TAP2: variants seen among roughly 807,000 people sequenced by gnomAD.
TAP2 encodes antigen peptide transporter 2.
Under a neutral mutation model 74.7 loss-of-function variants are expected in TAP2, and 49 were observed. The ratio of observed to expected loss-of-function variants is 0.66; its 90% CI spans 0.52 to 0.83. The LOEUF (loss-of-function observed/expected upper bound fraction) is 0.83. Among genes scored for constraint, TAP2 ranks in the 40% least tolerant of loss-of-function variants. The pLI, the probability that TAP2 is intolerant of heterozygous loss-of-function variation, is 0.00. For missense variants in TAP2, 739 were observed against 859.0 expected (o/e 0.86, Z 1.75); for synonymous variants, 306 against 368.4 (o/e 0.83, Z 1.94).
Position 32,835,627 on chromosome 6 carries a change from G to C in TAP2, c.739+16C>G. 6.2e-7 allele frequency: 1 copy of C among 1,613,034 alleles called. No homozygotes were observed. The highest frequency in any genetic ancestry group is 8.5e-7 in the Non-Finnish European group (1 of 1,180,004). On this transcript the variant is annotated intron_variant, in intron 4 of 11. Transcript: ENST00000374897. The surrounding 1 kb of genome is among the most constrained non-coding windows in gnomAD (Gnocchi z 4.0). ...GGATGTCCATGGGAATCTCAGACCT[G>C]GACTCCAGGCCCCACCTGTCTTAGT...
chr6:32,827,629 G>C lies in TAP2; in HGVS notation c.*1277C>G, dbSNP rs1768744587. 1.5e-6 allele frequency: 1 copy of C among 688,330 alleles called. No homozygotes were observed. The allele number at this position is 688,330 out of a possible 1,614,324, so 42.6% of individuals were successfully genotyped here. A position where few individuals can be genotyped will look rare whatever the true frequency, so the allele number is the denominator to read the frequency against. On this transcript the variant is annotated 3_prime_UTR_variant, in exon 12 of 12. Coordinates refer to ENST00000374897, the MANE Select transcript of TAP2 (RefSeq NM_001290043.2). The stretch of plus-strand genomic sequence containing the variant: ...TCAGGGGCGAGTCGAGCAGAAAATG[G>C]GCAAGAAAACACCATATGCAAAGGC...
rs1363676303 is a variant in TAP2 at position 32,828,701 on chromosome 6, T to G, written c.*205A>C. The G allele has an allele frequency of 1.8e-6, 1 of 545,184 alleles. No individual in the cohort carries two copies. The highest frequency in any genetic ancestry group is 1.1e-4 in the Admixed American group (1 of 8,726). 33.8% of individuals were successfully genotyped at this position (545,184 alleles called of 1,614,324 possible). A position where few individuals can be genotyped will look rare whatever the true frequency, so the allele number is the denominator to read the frequency against. On this transcript the variant is annotated 3_prime_UTR_variant, in exon 12 of 12. Transcript: ENST00000374897. The stretch of plus-strand genomic sequence containing the variant: ...CCCCCACCCCACCCCACCCCACCTC[T>G]CTACCCCACCAAAAGCACACAGTGT...
Position 32,832,278 on chromosome 6 carries a change from G to A in TAP2, c.1272+55C>T. 30 of 1,612,202 alleles carry A rather than the reference G, an allele frequency of 1.9e-5. No individual in the cohort carries two copies. Among genetic ancestry groups the A allele is most frequent in the Non-Finnish European group, 2.3e-5 (27 of 1,179,576 alleles). ...AACAAATAAAGCCCAAGGCCCAGGA[G>A]TCCACAAAGAAAAAGAGAGGGAAAA... On this transcript the variant is annotated intron_variant, in intron 7 of 11. Coordinates refer to ENST00000374897, the MANE Select transcript of TAP2 (RefSeq NM_001290043.2). This position sits in a 1 kb window ranked among gnomAD's most constrained non-coding sequence, Gnocchi z 5.9.
At chr6:32,829,273 C>G (rs909339925) in intron 11 of TAP2, 127 bp downstream of exon 11, 16 of 1,483,318 alleles carry the variant, frequency 1.1e-5, no homozygotes, top group Non-Finnish European at 1.5e-5. Context: ...TTCCCCAACC[C>G]CAAGAAGGCA....
chr6:32,829,054 G>T lies in TAP2; in HGVS notation c.1933-20C>A. On this transcript the variant is annotated intron_variant, in intron 11 of 11. Coordinates refer to ENST00000374897, the MANE Select transcript of TAP2 (RefSeq NM_001290043.2). ...CTGCAGCTGAAGGGGTGATCACAGT[G>T]CCTCAGAAAGACAGGAATGAGATGG... The T allele has an allele frequency of 6.5e-7, 1 of 1,537,550 alleles. No homozygotes were observed. Among genetic ancestry groups the T allele is most frequent in the Non-Finnish European group, 8.8e-7 (1 of 1,140,086 alleles).
Position 32,835,448 on chromosome 6 carries a change from A to C in TAP2, c.740-89T>G. On this transcript the variant is annotated intron_variant, in intron 4 of 11. Coordinates refer to ENST00000374897, the MANE Select transcript of TAP2 (RefSeq NM_001290043.2). This position sits in a 1 kb window ranked among gnomAD's most constrained non-coding sequence, Gnocchi z 4.0. ...CCCTCCTGACCGTTCCCTCTGACAC[A>C]GCCCCCTCCTCTGAACATCCTCCTT... 1 of 1,482,956 alleles carries C rather than the reference A, an allele frequency of 6.7e-7. No homozygotes were observed. The allele number at this position is 1,482,956 out of a possible 1,614,324, so 91.9% of individuals were successfully genotyped here.
In TAP2 at chr6:32,832,853, G is replaced by A. The variant is rs762887255; in HGVS notation, c.946-29C>T. The A allele has an allele frequency of 1.4e-5, 23 of 1,609,108 alleles. 1 individual carries two copies. In the South Asian group the frequency reaches 2.5e-4, roughly 18 times the overall value. On this transcript the variant is annotated intron_variant, in intron 5 of 11. Coordinates refer to ENST00000374897, the MANE Select transcript of TAP2 (RefSeq NM_001290043.2). The surrounding 1 kb of genome is among the most constrained non-coding windows in gnomAD (Gnocchi z 5.9). The stretch of plus-strand genomic sequence containing the variant: ...GAAAAGAGGGCCAGCAAACACCAGG[G>A]CTGATGTGCAAAGACAGCAGGCCCC...
In TAP2 at chr6:32,830,408, C is replaced by T. The variant is rs1768989375; in HGVS notation, c.1494G>A (p.Val498=). ...GLTFTLRPGE[V]TALVGPNGSG... ...ACCCATTGGGTCCCACCAGCGCCGT[C>T]ACCTCACCAGGACGTAGGGTAAACG... Residue 498 remains valine (V), a synonymous_variant, in exon 9 of 12, where the codon GTG becomes GTA. Coordinates refer to ENST00000374897, the MANE Select transcript of TAP2 (RefSeq NM_001290043.2). The T allele has an allele frequency of 6.2e-7, 1 of 1,612,778 alleles. No homozygotes were observed. The highest frequency in any genetic ancestry group is 1.1e-5 in the South Asian group (1 of 91,092).
Position 32,832,649 on chromosome 6 carries a change from G to A in TAP2, c.1121C>T (p.Ala374Val). 3 of 1,612,968 alleles carry A rather than the reference G, an allele frequency of 1.9e-6. No homozygotes were observed. Among genetic ancestry groups the A allele is most frequent in the Non-Finnish European group, 2.5e-6 (3 of 1,180,026 alleles). ...QLYWRRDLER[A>V]LYLLVRRVLH... ...TACCCTCCTTACGAGCAGGTACAAG[G>A]CGCGTTCCAGGTCTCTCCGCCAATA... Residue 374 changes from alanine to valine, a missense_variant, in exon 6 of 12, where the codon GCC (alanine) becomes GTC (valine). Ala to Val is a moderately conservative substitution (Grantham distance 64, BLOSUM62 0). Coordinates refer to ENST00000374897, the MANE Select transcript of TAP2 (RefSeq NM_001290043.2). This position sits in a 1 kb window ranked among gnomAD's most constrained non-coding sequence, Gnocchi z 5.9.
chr6:32,837,622 G>A lies in TAP2; in HGVS notation c.523C>T (p.Arg175Cys). 6.2e-7 allele frequency: 1 copy of A among 1,614,062 alleles called. No homozygotes were observed. The highest frequency in any genetic ancestry group is 8.5e-7 in the Non-Finnish European group (1 of 1,179,988). Residue 175 changes from arginine to cysteine, a missense_variant, in exon 3 of 12, where the codon CGT (arginine) becomes TGT (cysteine). Arg to Cys is a radical substitution (Grantham distance 180). Coordinates refer to ENST00000374897, the MANE Select transcript of TAP2 (RefSeq NM_001290043.2). ...TCACCTCCCAGGATGTCAATCACACGACCAGAATAGTGAGGGATTAATGTC... is the reference window on the plus strand; with the variant it reads ...TCACCTCCCAGGATGTCAATCACACAACCAGAATAGTGAGGGATTAATGTC... ...GETLIPHYSG[R>C]VIDILGGDFD...
Position 32,838,037 on chromosome 6 carries a change from A to G in TAP2, c.197T>C (p.Leu66Pro). 1 of 1,612,432 alleles carries G rather than the reference A, an allele frequency of 6.2e-7. No homozygotes were observed. Among genetic ancestry groups the G allele is most frequent in the Non-Finnish European group, 8.5e-7 (1 of 1,179,784 alleles). ...RGLLGFVGTL[L>P]LPLCLATPLT... ...GGGGGTGGCCAGACAGAGCGGGAGCAGCAGTGTCCCCACAAATCCCAGCAG... is the reference window on the plus strand; with the variant it reads ...GGGGGTGGCCAGACAGAGCGGGAGCGGCAGTGTCCCCACAAATCCCAGCAG... The change falls in exon 2 of 12, where the codon CTG (leucine) becomes CCG (proline). Residue 66 changes from leucine (L) to proline (P), a missense_variant. By Grantham distance (98) the Leu-to-Pro change is moderately conservative. Coordinates refer to ENST00000374897, the MANE Select transcript of TAP2 (RefSeq NM_001290043.2).
rs190136550 is a variant in TAP2 at position 32,831,158 on chromosome 6, C to T, written c.1273-352G>A. On this transcript the variant is annotated intron_variant, in intron 7 of 11. Transcript: ENST00000374897. ...ACTGTGCCCAACTCACCTTTGTAGC[C>T]GTCAGAGTGCCCAGCGCAGTTCTCT... Among the ~76,000 whole-genome samples, 13 of 152,232 alleles carry T rather than the reference C, an allele frequency of 8.5e-5. No individual in the cohort carries two copies. In the East Asian group the frequency reaches 2.3e-3, roughly 27 times the overall value.
In TAP2 at chr6:32,835,300, T is replaced by C; in HGVS notation, c.799A>G (p.Asn267Asp). ...AGGCTTCGCAAGAGCACATTGGCAT[T>C]TAAAGGAAGCCAGTTACTCATCAGG... ...TTLMSNWLPLNANVLLRSLVK... is the reference protein window; with the variant it reads ...TTLMSNWLPLDANVLLRSLVK... Residue 267 changes from asparagine (N) to aspartate (D), a missense_variant, in exon 5 of 12, where the codon AAT (asparagine) becomes GAT (aspartate). Asn to Asp is a conservative substitution (Grantham distance 23, BLOSUM62 1). Transcript: ENST00000374897. The surrounding 1 kb of genome is among the most constrained non-coding windows in gnomAD (Gnocchi z 4.0). 6.2e-7 allele frequency: 1 copy of C among 1,613,052 alleles called. No individual in the cohort carries two copies.
chr6:32,829,260 C>G (rs1256713700), intron 11 of TAP2, 140 bp downstream of exon 11: 1 of 1,458,984 alleles, frequency 6.9e-7, no homozygotes, highest in East Asian at 2.5e-5. Context: ...CCACCGGATT[C>G]CATTCCCCAA....
chr6:32,833,504 T>A (rs1490959746), intron 5 of TAP2, among the ~76,000 whole-genome samples: 1 of 151,940 alleles, frequency 6.6e-6, no homozygotes, highest in Non-Finnish European at 1.5e-5. Flanking sequence ...GAAAGAAACA[T>A]AAGTGGCCAA....
At chr6:32,829,784 G>T in intron 10 of TAP2, 146 bp downstream of exon 10, 1 of 1,213,188 alleles carries the variant, frequency 8.2e-7, no homozygotes, top group Non-Finnish European at 1.2e-6. Context: ...GAAGAATTCA[G>T]TGTGTGGGGA....
rs1373006520 is a variant in TAP2 at position 32,829,476 on chromosome 6, C to T, written c.1856G>A (p.Arg619Gln). ...AGQKQRLAIA[R>Q]ALVRDPRVLI... The stretch of plus-strand genomic sequence containing the variant: ...GACCCGCGGGTCTCGTACAAGGGCC[C>T]GGGCAATGGCCAGACGTTGTTTCTG... Residue 619 changes from arginine (R) to glutamine (Q), a missense_variant, in exon 11 of 12, where the codon CGG becomes CAG. Arg to Gln is a conservative substitution (Grantham distance 43). Coordinates refer to ENST00000374897, the MANE Select transcript of TAP2 (RefSeq NM_001290043.2). 8 of 1,614,006 alleles carry T rather than the reference C, an allele frequency of 5.0e-6. No individual in the cohort carries two copies. The highest frequency in any genetic ancestry group is 6.8e-6 in the Non-Finnish European group (8 of 1,179,958).
At chr6:32,823,259 G>A (rs942833906), downstream of TAP2, among the ~76,000 whole-genome samples, 1 of 151,924 alleles carries the variant, frequency 6.6e-6, no homozygotes, top group African/African-American at 2.4e-5. Context: ...CCAGGGAAAG[G>A]GAATTAAAGT....
Position 32,830,374 on chromosome 6 carries a change from T to G in TAP2, c.1528A>C (p.Ser510Arg). ...ALVGPNGSGKSTVAALLQNLY... is the reference protein window; with the variant it reads ...ALVGPNGSGKRTVAALLQNLY... ...TTCTGCAGCAGGGCAGCCACTGTGC[T>G]CTTCCCAGACCCATTGGGTCCCACC... Residue 510 changes from serine to arginine, a missense_variant, in exon 9 of 12, where the codon AGC becomes CGC. Physicochemically the swap from Ser to Arg is moderately radical, Grantham distance 110. Transcript: ENST00000374897. The G allele has an allele frequency of 2.5e-6, 4 of 1,613,082 alleles. No homozygotes were observed. The highest frequency in any genetic ancestry group is 3.4e-6 in the Non-Finnish European group (4 of 1,180,016).
Sources: gnomAD v4.1 joint callset for allele counts (sites outside exome capture counted in the v4.1 genomes callset) on GRCh38, gnomAD v4.1.1 for gene constraint, Gnocchi (gnomAD v3.1) non-coding constraint, MANE v1.5 for transcripts, NCBI Gene and HGNC (gene_info 2026-07-23, HGNC 2026-07-21) for gene names.